PDGFC: variants seen among roughly 807,000 people sequenced by gnomAD.
The protein encoded by PDGFC is platelet-derived growth factor C.
A neutral mutation model predicts 35.5 loss-of-function variants in PDGFC; 12 were observed. The ratio of observed to expected loss-of-function variants is 0.34; its 90% CI spans 0.22 to 0.55. The LOEUF is 0.55. Among genes scored for constraint, PDGFC ranks in the 20% least tolerant of loss-of-function variants. The pLI is 0.91. For missense variants in PDGFC, 322 were observed against 412.4 expected (o/e 0.78, Z 1.90); for synonymous variants, 159 against 148.8 (o/e 1.07, Z -0.50).
chr4:156,912,707 G>A (rs1352715316), intron 1 of PDGFC, among the ~76,000 whole-genome samples: 1 of 151,764 alleles, frequency 6.6e-6, no homozygotes, highest in Admixed American at 6.6e-5. Context: ...TCTTAAGGGA[G>A]AAAATGGGAA....
At chr4:156,854,002 C>A (rs1433538563) in intron 1 of PDGFC, among the ~76,000 whole-genome samples, 1 of 152,086 alleles carries the variant, frequency 6.6e-6, no homozygotes, top group Non-Finnish European at 1.5e-5. Flanking sequence ...AAGTAATAAT[C>A]ATAAACTCTT....
chr4:156,778,971 T>C (rs1730908596), intron 3 of PDGFC: 1 of 297,398 alleles, frequency 3.4e-6, no homozygotes, highest in Admixed American at 4.4e-5. Context: ...TATTATAAAA[T>C]GATCAGGTGT....
At chr4:156,794,360 A>G (rs1731382240) in intron 3 of PDGFC, among the ~76,000 whole-genome samples, 1 of 152,152 alleles carries the variant, frequency 6.6e-6, no homozygotes, top group South Asian at 2.1e-4. Context: ...TAAAAACAAA[A>G]AAGTTTGCCT....
chr4:156,765,533 T>C (rs1310521725), intron 5 of PDGFC, among the ~76,000 whole-genome samples: 1 of 152,114 alleles, frequency 6.6e-6, no homozygotes, highest in Admixed American at 6.5e-5. Context: ...GGAACAGGGA[T>C]TCAGCACTAG....
chr4:156,896,791 G>A (rs1730643185), intron 1 of PDGFC, among the ~76,000 whole-genome samples: 1 of 152,164 alleles, frequency 6.6e-6, no homozygotes, highest in Non-Finnish European at 1.5e-5. Context: ...AGGAACCCAT[G>A]AAAATATAGG....
chr4:156,877,938 T>C (rs1448635001), intron 1 of PDGFC, among the ~76,000 whole-genome samples: 1 of 152,116 alleles, frequency 6.6e-6, no homozygotes, highest in East Asian at 1.9e-4. Flanking sequence ...TCTAATATGC[T>C]CTCCTAACAT....
At chr4:156,825,575 TAATAATAATAA>T (rs1732426939) in intron 2 of PDGFC, among the ~76,000 whole-genome samples, 8 of 95,564 alleles carry the variant, frequency 8.4e-5, no homozygotes, top group African/African-American at 4.0e-4. Context: ...ATAATAATAA[TAATAATAATAA>T]TAATAATAAG....
chr4:156,949,121 G>T (rs574364472), intron 1 of PDGFC, among the ~76,000 whole-genome samples: 6 of 151,926 alleles, frequency 3.9e-5, no homozygotes, highest in Admixed American at 2.0e-4. Flanking sequence ...TATCTCTTTT[G>T]TTAAGAACCA....
chr4:156,946,093 C>G (rs1731940307), intron 1 of PDGFC, among the ~76,000 whole-genome samples: 1 of 151,954 alleles, frequency 6.6e-6, no homozygotes, highest in African/African-American at 2.4e-5. Flanking sequence ...TAGGTTATGT[C>G]CTGCCTATTA....
chr4:156,967,846 C>T (rs1459589359), intron 1 of PDGFC: 5 of 152,192 alleles, frequency 3.3e-5, no homozygotes, highest in Non-Finnish European at 1.5e-5. Flanking sequence ...ATCTTTTAAT[C>T]TCTTTCCTCA....
intron 1 of PDGFC, among the ~76,000 whole-genome samples, chr4:156,878,358 T>C (rs1371976433): frequency 6.6e-6 from 1 of 152,180 alleles, no homozygotes; most frequent in Non-Finnish European, 1.5e-5. Context: ...CAAAGTAGAA[T>C]GTAAGCAAAA....
chr4:156,839,567 G>C (rs1461853087), intron 2 of PDGFC, among the ~76,000 whole-genome samples: 2 of 152,162 alleles, frequency 1.3e-5, no homozygotes, highest in Non-Finnish European at 2.9e-5. Context: ...TTGGTACTGG[G>C]AGTAGTGGGG....
intron 2 of PDGFC, among the ~76,000 whole-genome samples, chr4:156,820,237 T>C (rs1459913736): frequency 6.6e-6 from 1 of 152,166 alleles, no homozygotes; most frequent in Non-Finnish European, 1.5e-5. Flanking sequence ...AGCAGCAGGG[T>C]CTGAGAGAAC....
chr4:156,825,587 TAATAATAAGAAGAAGAAG>T lies in PDGFC; in HGVS notation c.315-14588_315-14571del, dbSNP rs1416846756. 1.7e-3 allele frequency among the ~76,000 whole-genome samples: 148 copies of T among 87,188 alleles called. 1 individual carries two copies. The highest frequency in any genetic ancestry group is 6.4e-3 in the African/African-American group (104 of 16,266). The allele number at this position is 87,188 out of a possible 152,430, so 57.2% of individuals were successfully genotyped here. On this transcript the variant is annotated intron_variant, in intron 2 of 5. Transcript: ENST00000502773. The stretch of plus-strand genomic sequence containing the variant: ...ATAATAATAATAATAATAATAATAA[TAATAATAAGAAGAAGAAG>T]AAGAAGAAGAAGAAGAAGAAGAAGA...
rs185832630 is a variant in PDGFC at position 156,822,895 on chromosome 4, G to A, written c.315-11878C>T. On this transcript the variant is annotated intron_variant, in intron 2 of 5. Transcript: ENST00000502773. ...AGCGATTCTCCTGCCTCAGCCTCCC[G>A]AGTAGCTGGGATTACAGGCATAGAG... 3.6e-3 allele frequency among the ~76,000 whole-genome samples: 541 copies of A among 152,000 alleles called. 4 individuals carry two copies. Among genetic ancestry groups the A allele is most frequent in the African/African-American group, 0.012 (514 of 41,470 alleles).
At chr4:156,878,219 C>G (rs1352136633) in intron 1 of PDGFC, among the ~76,000 whole-genome samples, 2 of 152,014 alleles carry the variant, frequency 1.3e-5, no homozygotes, top group Admixed American at 6.6e-5. Context: ...TAATTTAGAC[C>G]TAGGAATTAA....
intron 1 of PDGFC, among the ~76,000 whole-genome samples, chr4:156,896,982 C>A (rs1579084557): frequency 6.6e-6 from 1 of 152,222 alleles, no homozygotes; most frequent in East Asian, 1.9e-4. Flanking sequence ...TCACTTTTGG[C>A]AGAAATGATC....
At chr4:156,779,997 C>T (rs1197965376) in intron 3 of PDGFC, among the ~76,000 whole-genome samples, 6 of 151,700 alleles carry the variant, frequency 4.0e-5, no homozygotes, top group East Asian at 3.9e-4. Flanking sequence ...GGTCAAACTG[C>T]GGGTTATAAG....
In PDGFC at chr4:156,970,873, A is replaced by T; in HGVS notation, c.31T>A (p.Ser11Thr). 6.2e-7 allele frequency: 1 copy of T among 1,613,846 alleles called. No homozygotes were observed. Among genetic ancestry groups the T allele is most frequent in the Non-Finnish European group, 8.5e-7 (1 of 1,179,808 alleles). Residue 11 changes from serine to threonine, a missense_variant, in exon 1 of 6, where the codon TCT becomes ACT. Around this residue, in one of 2 missense-constraint regions of PDGFC, gnomAD observed 120 missense variants for 116.6 expected, o/e 1.03. Transcript: ENST00000502773. MSLFGLLLLT[S>T]ALAGQRQGTQ... ...CCCTGTCTCTGGCCGGCCAGGGCAG[A>T]TGTCAGCAGGAGAAGCCCGAAGAGG...
Sources: allele counts gnomAD v4.1 joint callset (sites outside exome capture counted in the v4.1 genomes callset), GRCh38; gene constraint gnomAD v4.1.1; regional missense constraint gnomAD v4.1.1; transcripts MANE v1.5; gene names NCBI Gene and HGNC (gene_info 2026-07-23, HGNC 2026-07-21).